PCGF6: variants seen among roughly 807,000 people sequenced by gnomAD.
The protein encoded by PCGF6 is polycomb group RING finger protein 6.
PCGF6 carries 24 observed loss-of-function variants against 45.5 expected under a neutral mutation model. The ratio of observed to expected loss-of-function variants is 0.53; its 90% confidence interval spans 0.38 to 0.74. The LOEUF (loss-of-function observed/expected upper bound fraction) is 0.74, where lower values mean the gene tolerates loss of function less well. PCGF6 is among the 30% of genes least tolerant of loss of function. The pLI is 0.00. For synonymous variants in PCGF6, 152 were observed against 162.1 expected (o/e 0.94, Z 0.47); for missense variants, 356 against 443.2 (o/e 0.80, Z 1.77).
chr10:103,329,334 C>A lies in PCGF6; in HGVS notation c.811-2702G>T, dbSNP rs181830112. On this transcript the variant is annotated intron_variant, in intron 7 of 9. Coordinates refer to ENST00000369847, the MANE Select transcript of PCGF6 (RefSeq NM_001011663.2). ...GGATTACAGGCGTGAGCCACCGCAC[C>A]CGGCCCCAATTTCTTAAACCTAGTA... is the stretch of plus-strand genomic sequence containing the variant. 7.5e-3 allele frequency among the ~76,000 whole-genome samples: 1,139 copies of A among 150,910 alleles called. 20 individuals are homozygous for A. The highest frequency in any genetic ancestry group is 0.075 in the South Asian group (355 of 4,750).
At chr10:103,331,303 A>G (rs2093239328) in intron 7 of PCGF6, among the ~76,000 whole-genome samples, 1 of 152,128 alleles carries the variant, frequency 6.6e-6, no homozygotes, top group Admixed American at 6.6e-5. Context: ...CCCAGGCTGG[A>G]GTGAAGTGGC....
At chr10:103,304,111 T>C (rs956882705) in intron 9 of PCGF6, 150 bp from the exon 10 acceptor site, 2 of 630,380 alleles carry the variant, frequency 3.2e-6, no homozygotes, top group East Asian at 5.6e-5. Flanking sequence ...ATATAGTTTC[T>C]TATTCACCAA....
At chr10:103,329,606 T>C (rs900064476) in intron 7 of PCGF6, among the ~76,000 whole-genome samples, 2 of 150,540 alleles carry the variant, frequency 1.3e-5, no homozygotes, top group Non-Finnish European at 3.0e-5. Context: ...GCCACCCAAG[T>C]AGCTGGGACT....
At chr10:103,324,380 T>C (rs2133571524) in intron 8 of PCGF6, among the ~76,000 whole-genome samples, 1 of 151,440 alleles carries the variant, frequency 6.6e-6, no homozygotes, top group Admixed American at 6.6e-5. Flanking sequence ...TTTTACTAAC[T>C]GGACCACAGA....
At chr10:103,316,829 A>G (rs1400697575) in intron 8 of PCGF6, among the ~76,000 whole-genome samples, 1 of 152,118 alleles carries the variant, frequency 6.6e-6, no homozygotes, top group East Asian at 1.9e-4. Context: ...CTAATCTGAG[A>G]TTATATAGAA....
At chr10:103,305,199 CTT>C (rs1398187992) in intron 9 of PCGF6, among the ~76,000 whole-genome samples, 2 of 145,042 alleles carry the variant, frequency 1.4e-5, no homozygotes, top group African/African-American at 4.9e-5. Context: ...GTCTCAAACT[CTT>C]GAGCTTCAAG....
intron 8 of PCGF6, among the ~76,000 whole-genome samples, chr10:103,314,651 G>C (rs1472680813): frequency 6.6e-6 from 1 of 152,088 alleles, no homozygotes; most frequent in African/African-American, 2.4e-5. Context: ...TTAAATATCT[G>C]TGATAAAAAT....
At chr10:103,349,512 CCT>C (rs57731589) in intron 1 of PCGF6, among the ~76,000 whole-genome samples, 38,337 of 119,132 alleles carry the variant, frequency 0.32, 6,265 homozygotes, top group East Asian at 0.44. Flanking sequence ...AGGGAGTCTG[CCT>C]CTGTCGCCCA....
intron 8 of PCGF6, among the ~76,000 whole-genome samples, chr10:103,324,093 C>A (rs2093207551): frequency 1.3e-5 from 2 of 148,538 alleles, no homozygotes; most frequent in African/African-American, 4.9e-5. Flanking sequence ...GAGTGTGCCA[C>A]CATGCCAAGC....
intron 5 of PCGF6, among the ~76,000 whole-genome samples, 162 bp from the exon 6 acceptor site, chr10:103,345,294 G>A (rs2093295255): frequency 6.6e-6 from 1 of 152,190 alleles, no homozygotes; most frequent in Non-Finnish European, 1.5e-5. Flanking sequence ...GTCAAAGCCA[G>A]TGAAATGAGA....
chr10:103,336,516 T>C (rs1319119980), intron 6 of PCGF6, among the ~76,000 whole-genome samples: 2 of 152,172 alleles, frequency 1.3e-5, no homozygotes, highest in East Asian at 3.8e-4. Flanking sequence ...AGCTTCTACC[T>C]GAATATCTAA....
chr10:103,335,216 TA>T (rs544057775), intron 6 of PCGF6, among the ~76,000 whole-genome samples: 366 of 141,982 alleles, frequency 2.6e-3, no homozygotes, highest in Middle Eastern at 3.6e-3. Flanking sequence ...CATGGCTAAT[TA>T]AAAAAAAAAA....
intron 8 of PCGF6, among the ~76,000 whole-genome samples, chr10:103,315,458 C>G (rs1205857324): frequency 1.3e-5 from 2 of 152,158 alleles, no homozygotes; most frequent in Non-Finnish European, 2.9e-5. Context: ...CTCCTGGGTT[C>G]ACGCCATTCC....
chr10:103,343,840 A>AAAAAAAAAAAG (rs2093289940), intron 6 of PCGF6, among the ~76,000 whole-genome samples: 1 of 150,022 alleles, frequency 6.7e-6, no homozygotes, highest in Non-Finnish European at 1.5e-5. Flanking sequence ...CTCAAAAAAA[A>AAAAAAAAAAAG]AAAAAAAAAA....
At chr10:103,336,379 A>G (rs866775908) in intron 6 of PCGF6, among the ~76,000 whole-genome samples, 2 of 152,054 alleles carry the variant, frequency 1.3e-5, no homozygotes, top group Middle Eastern at 6.8e-3. Context: ...TAAATCCGTA[A>G]ATGTACAAAT....
At chr10:103,345,218 T>C in intron 5 of PCGF6, 86 bp from the exon 6 acceptor site, 1 of 912,750 alleles carries the variant, frequency 1.1e-6, no homozygotes, top group African/African-American at 1.7e-5. Flanking sequence ...GTATTATAAT[T>C]ATGTTGAGTA....
chr10:103,335,480 A>T (rs900190389), intron 6 of PCGF6, among the ~76,000 whole-genome samples: 1 of 151,552 alleles, frequency 6.6e-6, no homozygotes, highest in Non-Finnish European at 1.5e-5. Context: ...TCTTTGCCTC[A>T]GCCTCCCGAA....
intron 6 of PCGF6, among the ~76,000 whole-genome samples, chr10:103,337,220 A>C (rs1435040051): frequency 1.3e-5 from 2 of 152,154 alleles, no homozygotes; most frequent in Non-Finnish European, 2.9e-5. Context: ...TCTCGGGTTT[A>C]CTAAACACCA....
chr10:103,345,363 C>T (rs934546394), intron 5 of PCGF6, among the ~76,000 whole-genome samples: 7 of 152,146 alleles, frequency 4.6e-5, no homozygotes, highest in South Asian at 4.1e-4. Flanking sequence ...TTATTAGGGA[C>T]GCAGAGAGAG....
Sources: allele counts gnomAD v4.1 joint callset (sites outside exome capture counted in the v4.1 genomes callset), GRCh38; gene constraint gnomAD v4.1.1; transcripts MANE v1.5; gene names NCBI Gene and HGNC (gene_info 2026-07-23, HGNC 2026-07-21).